DMD: variants seen among roughly 807,000 people sequenced by gnomAD.
DMD encodes dystrophin.
DMD carries 63 observed loss-of-function variants against 330.1 expected under a neutral mutation model. The ratio of observed to expected loss-of-function variants is 0.19; its 90% CI spans 0.16 to 0.24. The LOEUF is 0.24. DMD is among the 10% of genes least tolerant of loss of function. The probability of loss-of-function intolerance (pLI) is 1.00; values close to 1 mark genes in which losing one functional copy is unlikely to be tolerated. For missense variants in DMD, 3,344 were observed against 2,684.1 expected (o/e 1.25, Z -5.43); for synonymous variants, 1,223 against 959.8 (o/e 1.27, Z -5.07).
chrX:31,692,329 T>C (rs777271258), intron 52 of DMD, among the ~76,000 whole-genome samples: 5 of 110,283 alleles, frequency 4.5e-5, no homozygotes, highest in Admixed American at 9.7e-5. Flanking sequence ...ATATCTCAAA[T>C]GAAATACCTA....
At chrX:32,482,618 T>C (rs1397016651) in intron 21 of DMD, among the ~76,000 whole-genome samples, 1 of 111,722 alleles carries the variant, frequency 9.0e-6, no homozygotes, top group Non-Finnish European at 1.9e-5. Flanking sequence ...GACATTCGTG[T>C]ATACGATCTA....
intron 37 of DMD, among the ~76,000 whole-genome samples, chrX:32,361,531 C>A (rs761422849): frequency 6.3e-5 from 7 of 111,651 alleles, no homozygotes; most frequent in South Asian, 7.5e-4. Context: ...AAACTAACAA[C>A]TTTTTAATTT....
At position 32,854,856 on chromosome X, in the gene DMD, G is replaced by A. The variant is rs191215157; in HGVS notation, c.94-5036C>T. On this transcript the variant is annotated intron_variant, in intron 2 of 78. Transcript: ENST00000357033. ...TGTGAGGCCAATATTAGCCTGACACGAAAACCAGACAGATATCCAGAAAAC... is the reference window on the plus strand; with the variant it reads ...TGTGAGGCCAATATTAGCCTGACACAAAAACCAGACAGATATCCAGAAAAC... Among the ~76,000 whole-genome samples the A allele has an allele frequency of 6.1e-3, 676 of 111,630 alleles. 6 individuals are homozygous for A. Among genetic ancestry groups the A allele is most frequent in the African/African-American group, 0.021 (652 of 30,797 alleles).
At chrX:31,910,616 G>C (rs950472935) in intron 47 of DMD, among the ~76,000 whole-genome samples, 2 of 112,065 alleles carry the variant, frequency 1.8e-5, no homozygotes, top group Non-Finnish European at 3.8e-5. Flanking sequence ...CGTTGTAAGT[G>C]AAATACTGCT....
In DMD at chrX:31,507,293, G is replaced by A; in HGVS notation, c.8378C>T (p.Ser2793Phe). 1 of 1,211,362 alleles carries A rather than the reference G, an allele frequency of 8.3e-7. No homozygotes were observed. The highest frequency in any genetic ancestry group is 1.1e-6 in the Non-Finnish European group (1 of 895,319). Reference sequence around the variant, plus strand: ...CATCTTTTCCTACCTAATGTTGAGAGACTTTTTCCGAAGTTCACTCCACTT... The same window carrying A: ...CATCTTTTCCTACCTAATGTTGAGAAACTTTTTCCGAAGTTCACTCCACTT... ...NFKWSELRKK[S>F]LNIRSHLEAS... Residue 2793 changes from serine (S) to phenylalanine (F), a missense_variant, in exon 56 of 79, where the codon TCT becomes TTT. Transcript: ENST00000357033.
intron 2 of DMD, among the ~76,000 whole-genome samples, chrX:32,942,694 G>T (rs1431888323): frequency 1.8e-5 from 2 of 112,158 alleles, no homozygotes; most frequent in African/African-American, 6.5e-5. Context: ...TATATTTATG[G>T]TGCTATAATA....
intron 4 of DMD, among the ~76,000 whole-genome samples, chrX:32,842,940 G>A (rs1218696647): frequency 9.0e-6 from 1 of 111,121 alleles, no homozygotes; most frequent in Non-Finnish European, 1.9e-5. Flanking sequence ...CCGAGTAGCT[G>A]GGATTACAGG....
intron 25 of DMD, among the ~76,000 whole-genome samples, chrX:32,462,611 T>C (rs761442790): frequency 9.0e-6 from 1 of 111,435 alleles, no homozygotes; most frequent in East Asian, 2.8e-4. Flanking sequence ...TGTGTGTTTT[T>C]TTTTGAAATT....
At chrX:32,998,203 A>T (rs2093175677) in intron 2 of DMD, among the ~76,000 whole-genome samples, 2 of 108,006 alleles carry the variant, frequency 1.9e-5, no homozygotes, top group African/African-American at 6.7e-5. Flanking sequence ...TTCTCCAAAA[A>T]GTAAAAAAAA....
intron 65 of DMD, among the ~76,000 whole-genome samples, chrX:31,209,185 T>G (rs944143608): frequency 9.0e-6 from 1 of 111,490 alleles, no homozygotes; most frequent in Admixed American, 9.6e-5. Flanking sequence ...CTGAAGTGCA[T>G]GGAAGAATTC....
At chrX:32,872,388 C>G (rs2083070676) in intron 2 of DMD, among the ~76,000 whole-genome samples, 2 of 111,601 alleles carry the variant, frequency 1.8e-5, no homozygotes, top group Admixed American at 9.5e-5. Flanking sequence ...TCACTTAAAC[C>G]ACAGTATACT....
chrX:32,680,864 C>A (rs1246632028), intron 9 of DMD, among the ~76,000 whole-genome samples: 4 of 111,169 alleles, frequency 3.6e-5, no homozygotes, highest in African/African-American at 1.3e-4. Flanking sequence ...CCTCAGGCTA[C>A]GCCCCTTATA....
At chrX:31,371,778 G>C (rs1263023547) in intron 60 of DMD, among the ~76,000 whole-genome samples, 2 of 111,839 alleles carry the variant, frequency 1.8e-5, no homozygotes, top group Non-Finnish European at 3.8e-5. Context: ...AAAGAATATT[G>C]ATAATGGATG....
chrX:32,033,653 G>GAAAGAAAGAAAGAAAGAAGA (rs201179363), intron 44 of DMD, among the ~76,000 whole-genome samples: 45 of 59,070 alleles, frequency 7.6e-4, no homozygotes, highest in African/African-American at 2.9e-3. Flanking sequence ...AAGAAAGAAA[G>GAAAGAAAGAAAGAAAGAAGA]AAGAAAGAAA....
intron 47 of DMD, among the ~76,000 whole-genome samples, chrX:31,891,637 A>G (rs1054934111): frequency 8.9e-6 from 1 of 112,244 alleles, no homozygotes; most frequent in Non-Finnish European, 1.9e-5. Context: ...AGCCATGCCC[A>G]TTCGTTTATG....
intron 1 of DMD, among the ~76,000 whole-genome samples, chrX:33,182,851 T>G (rs1454335418): frequency 8.9e-6 from 1 of 112,380 alleles, no homozygotes; most frequent in East Asian, 2.8e-4. Flanking sequence ...CTTTTTGTGA[T>G]AAAATGATTT....
At chrX:31,978,713 C>T (rs5972468) in intron 44 of DMD, among the ~76,000 whole-genome samples, 20,965 of 110,796 alleles carry the variant, frequency 0.19, 1,700 homozygotes, top group South Asian at 0.37. Context: ...ATTCTCCAGA[C>T]CTTTGACTAT....
At chrX:32,035,876 C>T (rs186193186) in intron 44 of DMD, among the ~76,000 whole-genome samples, 9 of 111,481 alleles carry the variant, frequency 8.1e-5, no homozygotes, top group Admixed American at 5.7e-4. Flanking sequence ...TCGCTGATTC[C>T]GGGAATTGTA....
chrX:32,649,363 G>A lies in DMD; in HGVS notation c.961-4211C>T, dbSNP rs375255961. The stretch of plus-strand genomic sequence containing the variant: ...AGGTCAGGAGATCGAGACCATCTTC[G>A]CTAACATGGTTAAACCCCGTCTCTA... On this transcript the variant is annotated intron_variant, in intron 9 of 78. Coordinates refer to ENST00000357033, the MANE Select transcript of DMD (RefSeq NM_004006.3). 1.5e-4 allele frequency among the ~76,000 whole-genome samples: 16 copies of A among 108,159 alleles called. No individual in the cohort carries two copies. The East Asian group carries it at 4.1e-3, about 28-fold the overall frequency. The allele number at this position is 108,159 out of a possible 115,157, so 93.9% of individuals were successfully genotyped here. A position where few individuals can be genotyped will look rare whatever the true frequency, so the allele number is the denominator to read the frequency against.
Sources: allele counts gnomAD v4.1 joint callset (sites outside exome capture counted in the v4.1 genomes callset), GRCh38; gene constraint gnomAD v4.1.1; transcripts MANE v1.5; gene names NCBI Gene and HGNC (gene_info 2026-07-23, HGNC 2026-07-21).